The following FNDC3A variants were observed in gnomAD, a reference collection of about 807,000 sequenced individuals.
The protein encoded by FNDC3A is fibronectin type III domain containing 3A, also known as fibronectin type-III domain-containing protein 3A.
A neutral mutation model predicts 148.9 loss-of-function variants in FNDC3A; 32 were observed. The observed-to-expected ratio is 0.21, with a 90% CI of 0.16 to 0.29. The LOEUF is 0.29. Among genes scored for constraint, FNDC3A ranks in the 10% least tolerant of loss-of-function variants. FNDC3A has a pLI of 1.00. For missense variants in FNDC3A, 1,191 were observed against 1,452.8 expected, an observed-to-expected ratio of 0.82 and a Z score of 2.93; for synonymous variants, 472 against 473.6, an observed-to-expected ratio of 1.00 and a Z score of 0.04.
At chr13:49,069,501 G>A (rs185639668) in intron 2 of FNDC3A, among the ~76,000 whole-genome samples, 8 of 152,008 alleles carry the variant, frequency 5.3e-5, no homozygotes, top group East Asian at 1.9e-4. Context: ...TGTCATTTCC[G>A]ATCCTTGTGC....
intron 3 of FNDC3A, chr13:49,095,390 C>T (rs2137825881): frequency 6.6e-6 from 1 of 151,948 alleles, no homozygotes; most frequent in Non-Finnish European, 1.5e-5. Flanking sequence ...GATAAGAAAC[C>T]CGCTGGTCCA....
chr13:49,134,358 T>C (rs531050964), intron 5 of FNDC3A, among the ~76,000 whole-genome samples: 5 of 152,354 alleles, frequency 3.3e-5, no homozygotes, highest in African/African-American at 1.2e-4. Flanking sequence ...AAAGTTCATG[T>C]TCTCACATAT....
At chr13:49,047,335 A>G (rs191343074) in intron 2 of FNDC3A, among the ~76,000 whole-genome samples, 261 of 152,264 alleles carry the variant, frequency 1.7e-3, no homozygotes, top group African/African-American at 6.1e-3. Context: ...GTAGATACCT[A>G]GTAGTGGAGT....
rs778147778 is a variant in FNDC3A at position 49,167,218 on chromosome 13, A to C, written c.978-26A>C. The C allele has an allele frequency of 1.3e-5, 19 of 1,467,332 alleles. No homozygotes were observed. In the Admixed American group the frequency reaches 3.4e-4, roughly 26 times the overall value. The allele number at this position is 1,467,332 out of a possible 1,614,324, so 90.9% of individuals were successfully genotyped here. ...GTTGAAAATGCTTTATTTATCAGAC[A>C]TGATATATTACCCTTTTTTCCCCAG... On this transcript the variant is annotated intron_variant, in intron 8 of 25. Transcript: ENST00000492622.
chr13:49,087,188 T>G (rs189782027), intron 3 of FNDC3A, among the ~76,000 whole-genome samples: 70 of 152,238 alleles, frequency 4.6e-4, no homozygotes, highest in African/African-American at 1.6e-3. Flanking sequence ...GTTTAGTGAG[T>G]GCTATTAAAA....
chr13:49,129,218 T>C (rs532291441), intron 4 of FNDC3A, among the ~76,000 whole-genome samples: 127 of 152,282 alleles, frequency 8.3e-4, no homozygotes, highest in Non-Finnish European at 7.2e-4. Context: ...TTATTATAGA[T>C]TAAAGGGAAG....
intron 3 of FNDC3A, among the ~76,000 whole-genome samples, chr13:49,099,811 T>C (rs1879754537): frequency 6.6e-6 from 1 of 152,104 alleles, no homozygotes. Flanking sequence ...AAACAAAAAA[T>C]AGAACTGAGA....
At chr13:49,187,393 C>T in intron 16 of FNDC3A, 1 of 898,874 alleles carries the variant, frequency 1.1e-6, no homozygotes, top group Non-Finnish European at 1.8e-6. Flanking sequence ...TCTAGTATGC[C>T]ATATGAGTTC....
At chr13:49,071,743 A>G (rs1308264142) in intron 2 of FNDC3A, among the ~76,000 whole-genome samples, 3 of 134,750 alleles carry the variant, frequency 2.2e-5, no homozygotes, top group African/African-American at 8.2e-5. Flanking sequence ...TTTTTTTGCT[A>G]TTGAGTCATT....
chr13:49,152,696 GT>G (rs1199964504), intron 8 of FNDC3A, among the ~76,000 whole-genome samples: 2 of 137,804 alleles, frequency 1.5e-5, no homozygotes, highest in Non-Finnish European at 1.5e-5. Flanking sequence ...AGTCCCCAGA[GT>G]GTGATATTCC....
chr13:49,164,108 A>G (rs1210328484), intron 8 of FNDC3A, among the ~76,000 whole-genome samples: 1 of 152,156 alleles, frequency 6.6e-6, no homozygotes, highest in Non-Finnish European at 1.5e-5. Flanking sequence ...TGTCTGGAAA[A>G]TACCTTATTT....
chr13:49,030,475 G>C (rs1387624784), intron 2 of FNDC3A, among the ~76,000 whole-genome samples: 2 of 152,172 alleles, frequency 1.3e-5, no homozygotes, highest in Non-Finnish European at 2.9e-5. Flanking sequence ...TGGATGTCCT[G>C]CTGTCACCAC....
chr13:49,047,225 G>A (rs1875486446), intron 2 of FNDC3A, among the ~76,000 whole-genome samples: 1 of 151,800 alleles, frequency 6.6e-6, no homozygotes, highest in Admixed American at 6.6e-5. Context: ...TTGATTGATG[G>A]ACATTTGGGC....
chr13:49,126,368 A>G (rs1433797640), intron 4 of FNDC3A, among the ~76,000 whole-genome samples: 1 of 151,960 alleles, frequency 6.6e-6, no homozygotes, highest in African/African-American at 2.4e-5. Context: ...CATTTACAGC[A>G]TTGCACTACC....
intron 2 of FNDC3A, among the ~76,000 whole-genome samples, chr13:49,056,177 A>G (rs1263445142): frequency 6.7e-6 from 1 of 149,462 alleles, no homozygotes; most frequent in Non-Finnish European, 1.5e-5. Flanking sequence ...TCAGAGCAAG[A>G]CCCTGCCTCA....
intron 1 of FNDC3A, among the ~76,000 whole-genome samples, chr13:48,998,707 T>A (rs944602788): frequency 9.9e-5 from 15 of 152,228 alleles, no homozygotes; most frequent in African/African-American, 3.4e-4. Context: ...AACTTAAAGA[T>A]CTGGAAAATT....
At chr13:49,120,129 A>G (rs1881237895) in intron 4 of FNDC3A, among the ~76,000 whole-genome samples, 1 of 152,240 alleles carries the variant, frequency 6.6e-6, no homozygotes, top group Non-Finnish European at 1.5e-5. Context: ...CCGTCAGACT[A>G]ATAGCAAATC....
intron 7 of FNDC3A, among the ~76,000 whole-genome samples, chr13:49,143,992 A>ACTACTACTACTACTACTACTACTACTG: frequency 6.7e-6 from 1 of 149,356 alleles, no homozygotes. Context: ...TACTACTACT[A>ACTACTACTACTACTACTACTACTACTG]CTACTACTAC....
rs898985876 is a variant in FNDC3A, at chr13:49,203,153, A to G, written c.3155-4A>G. ...CAGATATTATTTATATTTGTTTCCT[A>G]CAGCCCCCAAAATAGAGAAAGTAAA... On this transcript the variant is annotated splice_polypyrimidine_tract_variant and splice_region_variant and intron_variant, in intron 24 of 25. Coordinates refer to ENST00000492622, the MANE Select transcript of FNDC3A (RefSeq NM_001079673.2). 4 of 1,589,864 alleles carry G rather than the reference A, an allele frequency of 2.5e-6. No homozygotes were observed. Among genetic ancestry groups the G allele is most frequent in the Non-Finnish European group, 2.6e-6 (3 of 1,163,724 alleles).
Sources: gnomAD v4.1 joint callset for allele counts (sites outside exome capture counted in the v4.1 genomes callset) on GRCh38, gnomAD v4.1.1 for gene constraint, MANE v1.5 for transcripts, NCBI Gene and HGNC (gene_info 2026-07-23, HGNC 2026-07-21) for gene names.